Variants in PDE3A observed in about 807,000 individuals in gnomAD.
PDE3A encodes cGMP-inhibited 3',5'-cyclic phosphodiesterase 3A.
A neutral mutation model predicts 98.3 loss-of-function variants in PDE3A; 43 were observed. That is an observed-to-expected ratio of 0.44 (90% CI 0.34 to 0.56). PDE3A has a LOEUF of 0.56. Ranked by LOEUF, PDE3A falls within the 20% of genes least tolerant of loss-of-function variation. The pLI, the probability that PDE3A is intolerant of heterozygous loss-of-function variation, is 0.01. For synonymous variants in PDE3A, 663 were observed against 567.9 expected (o/e 1.17, Z -2.38); for missense variants, 1,427 against 1,440.7 (o/e 0.99, Z 0.15).
At chr12:20,586,200 AG>A (rs1943193310) in intron 2 of PDE3A, among the ~76,000 whole-genome samples, 1 of 152,222 alleles carries the variant, frequency 6.6e-6, no homozygotes, top group East Asian at 1.9e-4. Flanking sequence ...AAGATTTCCT[AG>A]GAAGAGAGAA....
chr12:20,672,027 A>G (rs1436365810), intron 15 of PDE3A, among the ~76,000 whole-genome samples: 2 of 151,412 alleles, frequency 1.3e-5, no homozygotes, highest in Admixed American at 6.6e-5. Context: ...TCAATGTACA[A>G]AAATCACAAG....
intron 1 of PDE3A, among the ~76,000 whole-genome samples, chr12:20,383,982 G>A (rs1943703721): frequency 6.6e-6 from 1 of 151,942 alleles, no homozygotes; most frequent in Non-Finnish European, 1.5e-5. Flanking sequence ...AGATGGTTGG[G>A]AGTTGGACCA....
At chr12:20,438,895 G>A (rs1033756845) in intron 1 of PDE3A, among the ~76,000 whole-genome samples, 4 of 151,804 alleles carry the variant, frequency 2.6e-5, no homozygotes, top group Admixed American at 6.6e-5. Context: ...AGGTTAAAGC[G>A]ATTCTCCTGT....
chr12:20,476,010 G>T (rs1240537270), intron 1 of PDE3A, among the ~76,000 whole-genome samples: 1 of 152,154 alleles, frequency 6.6e-6, no homozygotes, highest in Non-Finnish European at 1.5e-5. Context: ...CATGCTACAA[G>T]TTATGTAGTT....
At chr12:20,385,099 A>G (rs966180449) in intron 1 of PDE3A, among the ~76,000 whole-genome samples, 1 of 152,032 alleles carries the variant, frequency 6.6e-6, no homozygotes, top group Admixed American at 6.6e-5. Flanking sequence ...TCTTTGAGGA[A>G]TCACCACACT....
At chr12:20,445,803 G>GGTATA (rs1480994773) in intron 1 of PDE3A, among the ~76,000 whole-genome samples, 6 of 152,072 alleles carry the variant, frequency 3.9e-5, no homozygotes, top group Non-Finnish European at 5.9e-5. Flanking sequence ...CCTTCCTGGA[G>GGTATA]GTATAAATAG....
At chr12:20,581,363 CAT>C (rs1444961977) in intron 2 of PDE3A, among the ~76,000 whole-genome samples, 3 of 152,112 alleles carry the variant, frequency 2.0e-5, no homozygotes, top group African/African-American at 7.2e-5. Context: ...TCAAGCAGCA[CAT>C]GACTAAGTAA....
chr12:20,406,133 A>G (rs1018180679), intron 1 of PDE3A, among the ~76,000 whole-genome samples: 2 of 152,194 alleles, frequency 1.3e-5, no homozygotes. Context: ...CCATTTATAT[A>G]TTGTTGAACA....
chr12:20,456,341 T>C (rs990166698), intron 1 of PDE3A, among the ~76,000 whole-genome samples: 2 of 152,134 alleles, frequency 1.3e-5, no homozygotes, highest in Non-Finnish European at 2.9e-5. Context: ...GTGTAATATA[T>C]CATACCACCA....
At chr12:20,567,771 A>AT (rs1457595723) in intron 2 of PDE3A, among the ~76,000 whole-genome samples, 2 of 151,878 alleles carry the variant, frequency 1.3e-5, no homozygotes, top group Non-Finnish European at 2.9e-5. Flanking sequence ...GCTTTTCACT[A>AT]TGTTTTGCCA....
At chr12:20,578,474 T>TACACACACAC (rs5796870) in intron 2 of PDE3A, among the ~76,000 whole-genome samples, 4 of 148,572 alleles carry the variant, frequency 2.7e-5, no homozygotes, top group African/African-American at 1.0e-4. Flanking sequence ...ATACAACTAA[T>TACACACACAC]ACACACACAC....
At chr12:20,372,721 T>A (rs1391455932) in intron 1 of PDE3A, among the ~76,000 whole-genome samples, 2 of 152,100 alleles carry the variant, frequency 1.3e-5, no homozygotes, top group African/African-American at 4.8e-5. Context: ...CCCCTGAATG[T>A]CATCTGCTTT....
At chr12:20,435,937 C>T (rs1228556235) in intron 1 of PDE3A, among the ~76,000 whole-genome samples, 1 of 151,958 alleles carries the variant, frequency 6.6e-6, no homozygotes, top group Admixed American at 6.6e-5. Context: ...TTTTGTGTTT[C>T]TTGTGTTGCA....
rs184994618 is a variant in PDE3A at position 20,576,484 on chromosome 12, C to A, written c.1011+19774C>A. Among the ~76,000 whole-genome samples, 375 of 152,062 alleles carry A rather than the reference C, an allele frequency of 2.5e-3. 3 individuals are homozygous for A. Among genetic ancestry groups the A allele is most frequent in the Middle Eastern group, 0.01 (3 of 294 alleles). Reference sequence around the variant, plus strand: ...CCTGAAATAAAGACAGTACTATATACAACTAATTAAAAACAGAGGGATGAG... The same window carrying A: ...CCTGAAATAAAGACAGTACTATATAAAACTAATTAAAAACAGAGGGATGAG... On this transcript the variant is annotated intron_variant, in intron 2 of 15. Transcript: ENST00000359062.
intron 2 of PDE3A, among the ~76,000 whole-genome samples, chr12:20,568,438 C>T (rs1012663255): frequency 7.2e-5 from 11 of 151,802 alleles, no homozygotes. Context: ...ATTTTATGCA[C>T]TGGTGGTTGT....
chr12:20,498,193 C>A (rs1157416152), intron 1 of PDE3A, among the ~76,000 whole-genome samples: 1 of 152,020 alleles, frequency 6.6e-6, no homozygotes, highest in Non-Finnish European at 1.5e-5. Flanking sequence ...GGAAAATTTA[C>A]CCTAATGTTA....
chr12:20,463,942 A>C (rs2120937018), intron 1 of PDE3A, among the ~76,000 whole-genome samples: 1 of 152,320 alleles, frequency 6.6e-6, no homozygotes, highest in Admixed American at 6.5e-5. Flanking sequence ...ACCATATGGT[A>C]TAAAGAATGT....
At position 20,388,290 on chromosome 12, in the gene PDE3A, G is replaced by T. The variant is rs1943849540; in HGVS notation, c.960+18046G>T. Among the ~76,000 whole-genome samples the T allele has an allele frequency of 4.6e-5, 7 of 151,934 alleles. No individual in the cohort carries two copies. In the South Asian group the frequency reaches 1.5e-3, roughly 32 times the overall value. Reference sequence around the variant, plus strand: ...CAGGCTTAAAATTTCTTATAAAATTGGAGATCCTAGTGGTACATGATCCTC... The same window carrying T: ...CAGGCTTAAAATTTCTTATAAAATTTGAGATCCTAGTGGTACATGATCCTC... On this transcript the variant is annotated intron_variant, in intron 1 of 15. Transcript: ENST00000359062.
At chr12:20,458,209 A>G (rs1346496249) in intron 1 of PDE3A, among the ~76,000 whole-genome samples, 1 of 151,980 alleles carries the variant, frequency 6.6e-6, no homozygotes, top group Non-Finnish European at 1.5e-5. Context: ...TTGCCTCAAG[A>G]TTGTTAATAT....
Sources: allele counts gnomAD v4.1 joint callset (sites outside exome capture counted in the v4.1 genomes callset), GRCh38; gene constraint gnomAD v4.1.1; transcripts MANE v1.5; gene names NCBI Gene and HGNC (gene_info 2026-07-23, HGNC 2026-07-21).